KIAA1549: variants seen among roughly 807,000 people sequenced by gnomAD.
KIAA1549 encodes UPF0606 protein KIAA1549.
KIAA1549 carries 70 observed loss-of-function variants against 156.4 expected under a neutral mutation model. The ratio of observed to expected loss-of-function variants is 0.45; its 90% CI spans 0.37 to 0.55. The LOEUF is 0.55. Among genes scored for constraint, KIAA1549 ranks in the 20% least tolerant of loss-of-function variants. The pLI is 0.00. For synonymous variants in KIAA1549, 1,103 were observed against 1,066.4 expected, an observed-to-expected ratio of 1.03 and a Z score of -0.67; for missense variants, 2,428 against 2,540.9, an observed-to-expected ratio of 0.96 and a Z score of 0.96.
chr7:138,844,823 C>T (rs919870798), intron 17 of KIAA1549, among the ~76,000 whole-genome samples: 25 of 152,198 alleles, frequency 1.6e-4, no homozygotes, highest in East Asian at 3.9e-4. Flanking sequence ...TCACACTGCA[C>T]CCCAGACGAA....
In KIAA1549 at chr7:138,877,007, C is replaced by G. The variant is rs551284384; in HGVS notation, c.4345+2531G>C. ...AATATGCCACATGACCTGGGACAGT[C>G]GTCAACAGCCTTGCCAAGAAGCCTA... On this transcript the variant is annotated intron_variant, in intron 12 of 19. Transcript: ENST00000422774. Among the ~76,000 whole-genome samples the G allele has an allele frequency of 2.0e-5, 3 of 152,246 alleles. No individual in the cohort carries two copies. In the East Asian group the frequency reaches 5.8e-4, roughly 29 times the overall value.
At position 138,832,054 on chromosome 7, in the gene KIAA1549, T is replaced by C. The variant is rs1357253328; in HGVS notation, c.*5852A>G. The stretch of plus-strand genomic sequence containing the variant: ...AACTTGTACACTTAGGGAGTCAAGT[T>C]ATGAATACTTGAAATCTGGTAAGTA... On this transcript the variant is annotated 3_prime_UTR_variant, in exon 20 of 20. Transcript: ENST00000422774. 8 of 231,734 alleles carry C rather than the reference T, an allele frequency of 3.5e-5. No individual in the cohort carries two copies. The highest frequency in any genetic ancestry group is 1.2e-4 in the East Asian group (2 of 16,384). The allele number at this position is 231,734 out of a possible 1,614,324, so 14.4% of individuals were successfully genotyped here. A position where few individuals can be genotyped will look rare whatever the true frequency, so the allele number is the denominator to read the frequency against.
intron 18 of KIAA1549, among the ~76,000 whole-genome samples, chr7:138,844,050 A>G (rs978142255): frequency 6.6e-6 from 1 of 152,160 alleles, no homozygotes; most frequent in African/African-American, 2.4e-5. Context: ...TTCCATTTAC[A>G]GTAAGGATTT....
rs1377299405 is a variant in KIAA1549, at chr7:138,837,954, G to T, written c.5805C>A (p.Leu1935=). Residue 1935 remains leucine (L), a synonymous_variant, in exon 20 of 20, where the codon CTC becomes CTA. Transcript: ENST00000422774. The stretch of plus-strand genomic sequence containing the variant: ...TGCTCTGTTTCTGGGAGAGCCGGAG[G>T]AGCTCCTCGCGGATTGCTTTGATGA... ...ASLIKAIREE[L]LRLSQKQSTV... is the part of the protein sequence containing the mutation. 6.2e-7 allele frequency: 1 copy of T among 1,613,812 alleles called. No individual in the cohort carries two copies. The highest frequency in any genetic ancestry group is 1.1e-5 in the South Asian group (1 of 91,036).
intron 1 of KIAA1549, among the ~76,000 whole-genome samples, chr7:138,938,275 T>G (rs927363196): frequency 3.9e-5 from 6 of 152,248 alleles, no homozygotes; most frequent in Admixed American, 2.6e-4. Context: ...TGTCTATAAG[T>G]GACCAGTCCA....
intron 1 of KIAA1549, among the ~76,000 whole-genome samples, chr7:138,921,641 C>T (rs1358339200): frequency 2.6e-5 from 4 of 152,064 alleles, no homozygotes; most frequent in Non-Finnish European, 4.4e-5. Context: ...CCGAGGAGGG[C>T]GGATCATGAG....
At chr7:138,899,351 T>A (rs1811777740) in intron 8 of KIAA1549, among the ~76,000 whole-genome samples, 1 of 152,130 alleles carries the variant, frequency 6.6e-6, no homozygotes. Context: ...TTGCTTCATC[T>A]CGCTCTACAT....
Position 138,835,306 on chromosome 7 carries a change from G to A in KIAA1549, c.*2600C>T. 1 of 215,526 alleles carries A rather than the reference G, an allele frequency of 4.6e-6. No individual in the cohort carries two copies. Among genetic ancestry groups the A allele is most frequent in the East Asian group, 6.9e-5 (1 of 14,568 alleles). 13.4% of individuals were successfully genotyped at this position (215,526 alleles called of 1,614,324 possible). The stretch of plus-strand genomic sequence containing the variant: ...TGTGCTTTATGACCACCAGCAGAGG[G>A]CTGGTGATCCGGGGGCCTGCTCACA... On this transcript the variant is annotated 3_prime_UTR_variant, in exon 20 of 20. Coordinates refer to ENST00000422774, the MANE Select transcript of KIAA1549 (RefSeq NM_001164665.2).
At chr7:138,949,089 G>A (rs948081668) in intron 1 of KIAA1549, among the ~76,000 whole-genome samples, 29 of 152,250 alleles carry the variant, frequency 1.9e-4, no homozygotes, top group African/African-American at 6.7e-4. Flanking sequence ...TTACCTGCTT[G>A]TGTTTGCACT....
At chr7:138,977,366 G>A (rs757435782) in intron 1 of KIAA1549, among the ~76,000 whole-genome samples, 111 of 152,178 alleles carry the variant, frequency 7.3e-4, no homozygotes, top group Non-Finnish European at 1.5e-3. Context: ...ATAAAACCGT[G>A]CAGGTTAAAA....
chr7:138,940,052 A>G (rs1450966557), intron 1 of KIAA1549, among the ~76,000 whole-genome samples: 2 of 152,168 alleles, frequency 1.3e-5, no homozygotes, highest in African/African-American at 4.8e-5. Context: ...TTTAGGGTAC[A>G]TGTGCACAAC....
At position 138,879,577 on chromosome 7, in the gene KIAA1549, C is replaced by A. The variant is rs1488351541; in HGVS notation, c.4306G>T (p.Ala1436Ser). The A allele has an allele frequency of 6.4e-7, 1 of 1,568,688 alleles. No individual in the cohort carries two copies. The highest frequency in any genetic ancestry group is 8.6e-7 in the Non-Finnish European group (1 of 1,156,496). Residue 1436 changes from alanine to serine, a missense_variant, in exon 12 of 20, where the codon GCC (alanine) becomes TCC (serine). Transcript: ENST00000422774. Reference sequence around the variant, plus strand: ...CTGTGGGACCTGCCATCGTTGACGGCTCCCGGCGTCTTATCTCCTGCGTCC... The same window carrying A: ...CTGTGGGACCTGCCATCGTTGACGGATCCCGGCGTCTTATCTCCTGCGTCC... ...ERDAGDKTPG[A>S]VNDGRSHRAP...
intron 1 of KIAA1549, among the ~76,000 whole-genome samples, chr7:138,977,952 G>A (rs1197644204): frequency 1.3e-5 from 2 of 152,160 alleles, no homozygotes; most frequent in East Asian, 3.9e-4. Context: ...CGCCCACCTC[G>A]GCTTCCCAAA....
intron 1 of KIAA1549, among the ~76,000 whole-genome samples, chr7:138,956,097 T>G (rs960081332): frequency 1.3e-5 from 2 of 152,184 alleles, no homozygotes; most frequent in African/African-American, 4.8e-5. Context: ...TTTCACTATG[T>G]TGGCCAGGCT....
At chr7:138,902,219 A>G (rs537849086) in intron 8 of KIAA1549, among the ~76,000 whole-genome samples, 1 of 152,154 alleles carries the variant, frequency 6.6e-6, no homozygotes, top group African/African-American at 2.4e-5. Context: ...TGGGAGGGGG[A>G]CAAAGGGTAA....
At position 138,917,586 on chromosome 7, in the gene KIAA1549, T is replaced by A. The variant is rs968281614; in HGVS notation, c.2040A>T (p.Ser680=). 45 of 1,613,902 alleles carry A rather than the reference T, an allele frequency of 2.8e-5. No individual in the cohort carries two copies. Among genetic ancestry groups the A allele is most frequent in the Non-Finnish European group, 3.8e-5 (45 of 1,179,888 alleles). The change falls in exon 2 of 20, where the codon TCA becomes TCT. Residue 680 remains serine (S), a synonymous_variant. Transcript: ENST00000422774. ...TGGAACTGGGAAGAGACAGCTGAGA[T>A]GACTGCAGATCACTAGAGTCAAACA... The part of the protein sequence containing the change: ...FTLFDSSDLQ[S]SQLSLPSSTN...
At chr7:138,862,677 T>A (rs972132089) in intron 15 of KIAA1549, among the ~76,000 whole-genome samples, 3 of 152,202 alleles carry the variant, frequency 2.0e-5, no homozygotes, top group Non-Finnish European at 4.4e-5. Flanking sequence ...ACGCCTGTAA[T>A]CCCAGCACTT....
At chr7:138,877,061 G>A (rs899619622) in intron 12 of KIAA1549, among the ~76,000 whole-genome samples, 3 of 152,178 alleles carry the variant, frequency 2.0e-5, no homozygotes, top group Non-Finnish European at 4.4e-5. Flanking sequence ...ACCACCCGCA[G>A]GAGTGAGAGG....
intron 1 of KIAA1549, 122 bp downstream of exon 1, chr7:138,980,961 A>G: frequency 1.1e-6 from 1 of 922,660 alleles, no homozygotes; most frequent in Non-Finnish European, 1.4e-6. Flanking sequence ...ATCTTCCAGA[A>G]AGGACGGCGA....
Sources: allele counts gnomAD v4.1 joint callset (sites outside exome capture counted in the v4.1 genomes callset), GRCh38; gene constraint gnomAD v4.1.1; transcripts MANE v1.5; gene names NCBI Gene and HGNC (gene_info 2026-07-23, HGNC 2026-07-21).